PCDHGA3: variants seen among roughly 807,000 people sequenced by gnomAD.
PCDHGA3 encodes protocadherin gamma-A3.
Under a neutral mutation model 58.5 loss-of-function variants are expected in PCDHGA3, and 40 were observed. That is an observed-to-expected ratio of 0.68 (90% CI 0.53 to 0.89). PCDHGA3 has a LOEUF of 0.89. Among genes scored for constraint, PCDHGA3 ranks in the 40% least tolerant of loss-of-function variants. PCDHGA3 has a pLI of 0.00. For missense variants in PCDHGA3, 1,223 were observed against 1,195.9 expected (o/e 1.02, Z -0.33); for synonymous variants, 530 against 525.7 (o/e 1.01, Z -0.11).
intron 1 of PCDHGA3, among the ~76,000 whole-genome samples, chr5:141,483,255 G>T (rs1383670642): frequency 1.3e-5 from 2 of 152,030 alleles, no homozygotes; most frequent in African/African-American, 2.4e-5. Context: ...ATATCATGAG[G>T]TTTTTTTGTT....
chr5:141,450,490 T>C (rs1480357834), intron 1 of PCDHGA3, among the ~76,000 whole-genome samples: 1 of 152,164 alleles, frequency 6.6e-6, no homozygotes, highest in Non-Finnish European at 1.5e-5. Context: ...TTTGTTTGTC[T>C]GTTTGTTTGT....
chr5:141,395,542 T>TTGTTTGTTTGTG (rs1267535064), intron 1 of PCDHGA3: 1 of 168,708 alleles, frequency 5.9e-6, no homozygotes, highest in African/African-American at 5.7e-5. Flanking sequence ...TTGCTATTGT[T>TTGTTTGTTTGTG]TGTGTGTGTG....
At chr5:141,408,738 C>A in intron 1 of PCDHGA3, 1 of 1,609,632 alleles carries the variant, frequency 6.2e-7, no homozygotes, top group Non-Finnish European at 8.5e-7. Flanking sequence ...CCTTATTTTT[C>A]ATTAATGGTT....
intron 1 of PCDHGA3, among the ~76,000 whole-genome samples, chr5:141,464,504 T>A (rs1264652523): frequency 6.6e-6 from 1 of 152,046 alleles, no homozygotes; most frequent in Non-Finnish European, 1.5e-5. Context: ...GATTGCTGCA[T>A]CATAAGGTAA....
intron 1 of PCDHGA3, chr5:141,409,349 A>G: frequency 6.2e-7 from 1 of 1,614,030 alleles, no homozygotes. Context: ...TGGAGAAGTC[A>G]GGTGTAATAT....
intron 1 of PCDHGA3, chr5:141,383,842 T>C: frequency 6.2e-7 from 1 of 1,613,970 alleles, no homozygotes. Context: ...AACTGCCTTC[T>C]ATGAAATGGA....
chr5:141,385,615 T>C, intron 1 of PCDHGA3: 2 of 1,097,512 alleles, frequency 1.8e-6, no homozygotes, highest in East Asian at 4.2e-5. Flanking sequence ...ATATATTTTA[T>C]ACATTGGAAT....
chr5:141,395,447 G>A, intron 1 of PCDHGA3: 1 of 645,042 alleles, frequency 1.6e-6, no homozygotes, highest in Admixed American at 3.5e-5. Context: ...GGAAAAGATT[G>A]TTCAACCATT....
intron 1 of PCDHGA3, among the ~76,000 whole-genome samples, chr5:141,472,980 C>CAAAAA (rs60579131): frequency 1.7e-4 from 15 of 86,092 alleles, no homozygotes; most frequent in East Asian, 4.1e-4. Context: ...GAGTGAAACT[C>CAAAAA]AAAAAAAAAA....
chr5:141,413,032 C>A, intron 1 of PCDHGA3: 1 of 766,948 alleles, frequency 1.3e-6, no homozygotes, highest in Non-Finnish European at 2.0e-6. Context: ...CACAAACCGG[C>A]TGCTGGGCTG....
chr5:141,458,340 G>C (rs4551132), intron 1 of PCDHGA3, among the ~76,000 whole-genome samples: 42,372 of 151,882 alleles, frequency 0.28, 6,646 homozygotes, highest in African/African-American at 0.43. Context: ...TTTAAGGAGT[G>C]GAGAGTTTAA....
rs547410815 is a variant in PCDHGA3 at position 141,418,658 on chromosome 5, A to T, written c.2424+72201A>T. ...CACCTCCATCCTGAGAGTGAAGGCC[A>T]CTGACCAGGACGAGGGCATCAACTC... is the stretch of plus-strand genomic sequence containing the variant. On this transcript the variant is annotated intron_variant, in intron 1 of 3. Transcript: ENST00000253812. 2.6e-4 allele frequency: 419 copies of T among 1,614,030 alleles called. 6 individuals carry two copies. The South Asian group carries it at 4.2e-3, about 16-fold the overall frequency.
At chr5:141,427,266 G>A (rs753905641) in intron 1 of PCDHGA3, 15 of 456,620 alleles carry the variant, frequency 3.3e-5, no homozygotes, top group Non-Finnish European at 5.7e-5. Context: ...CATGACCAGC[G>A]AATGTAAAAT....
intron 1 of PCDHGA3, among the ~76,000 whole-genome samples, chr5:141,426,133 G>A (rs2096916691): frequency 6.6e-6 from 1 of 152,212 alleles, no homozygotes. Context: ...GCCAAGACTT[G>A]GGCTTTCTGC....
At chr5:141,418,013 A>G (rs769578436) in intron 1 of PCDHGA3, 45 of 1,613,788 alleles carry the variant, frequency 2.8e-5, no homozygotes, top group African/African-American at 4.0e-5. Flanking sequence ...GAACCTCGCT[A>G]AGGATCTAGG....
chr5:141,359,218 A>G (rs1208654805), intron 1 of PCDHGA3, among the ~76,000 whole-genome samples: 1 of 152,164 alleles, frequency 6.6e-6, no homozygotes, highest in Admixed American at 6.5e-5. Context: ...GACAACTTAC[A>G]TCTGAGGAGA....
chr5:141,393,465 G>T, intron 1 of PCDHGA3: 1 of 1,614,048 alleles, frequency 6.2e-7, no homozygotes, highest in Non-Finnish European at 8.5e-7. Context: ...CTCGGATGGC[G>T]GCAAGCCGCC....
intron 1 of PCDHGA3, chr5:141,415,272 A>G (rs771588742): frequency 1.3e-5 from 21 of 1,614,208 alleles, no homozygotes; most frequent in African/African-American, 9.3e-5. Context: ...ACCTGGTGGT[A>G]GCGGTGGCCG....
At position 141,487,710 on chromosome 5, in the gene PCDHGA3, G is replaced by A. The variant is rs199722860; in HGVS notation, c.2425-7097G>A. ...CTAGAGAGTACTGGCCTCTCAGTAA[G>A]TGCCCATAGTGATGTCACCATTTTT... On this transcript the variant is annotated intron_variant, in intron 1 of 3. Transcript: ENST00000253812. The surrounding 1 kb of genome is among the most constrained non-coding windows in gnomAD (Gnocchi z 5.0). 3.8e-4 allele frequency: 596 copies of A among 1,586,168 alleles called. No individual in the cohort carries two copies. The highest frequency in any genetic ancestry group is 4.5e-4 in the Non-Finnish European group (529 of 1,164,386).
Sources: allele counts gnomAD v4.1 joint callset (sites outside exome capture counted in the v4.1 genomes callset), GRCh38; gene constraint gnomAD v4.1.1; non-coding constraint Gnocchi (gnomAD v3.1); transcripts MANE v1.5; gene names NCBI Gene and HGNC (gene_info 2026-07-23, HGNC 2026-07-21).